The following STOX2 variants were observed in gnomAD, a reference collection of about 807,000 sequenced individuals.
STOX2 encodes storkhead box 2.
A neutral mutation model predicts 60.9 loss-of-function variants in STOX2; 28 were observed. That is an observed-to-expected ratio of 0.46 (90% CI 0.34 to 0.63). STOX2 has a LOEUF of 0.63. STOX2 is among the 30% of genes least tolerant of loss of function. The pLI, the probability that STOX2 is intolerant of heterozygous loss-of-function variation, is 0.01. For synonymous variants in STOX2, 472 were observed against 463.9 expected (o/e 1.02, Z -0.22); for missense variants, 1,024 against 1,187.7 (o/e 0.86, Z 2.03).
chr4:183,991,136 C>T (rs1051756641), intron 1 of STOX2, among the ~76,000 whole-genome samples: 4 of 152,144 alleles, frequency 2.6e-5, no homozygotes, highest in African/African-American at 4.8e-5. Flanking sequence ...TCTCTATCCA[C>T]ACTATTTCCC....
In STOX2 at chr4:183,867,235, C is replaced by T. The variant is rs564330754; in HGVS notation, c.364+69180C>T. Among the ~76,000 whole-genome samples the T allele has an allele frequency of 2.0e-5, 3 of 152,296 alleles. No individual in the cohort carries two copies. The East Asian group carries it at 5.8e-4, about 29-fold the overall frequency. ...AGTTTTTCTCTACATCTCCATTTGC[C>T]GCTGTCACTTGAGGAAATTTTACTA... On this transcript the variant is annotated intron_variant, in intron 1 of 2. Coordinates refer to the STOX2 transcript ENST00000513034.
chr4:183,902,902 C>T (rs1741493267), upstream of STOX2, among the ~76,000 whole-genome samples: 1 of 152,194 alleles, frequency 6.6e-6, no homozygotes, highest in South Asian at 2.1e-4. Flanking sequence ...GATCATGTCA[C>T]CCCTCTGCAA....
intron 1 of STOX2, among the ~76,000 whole-genome samples, chr4:183,819,229 C>T (rs1455787320): frequency 2.6e-5 from 4 of 152,204 alleles, no homozygotes; most frequent in African/African-American, 9.6e-5. Flanking sequence ...GCCGAGATCA[C>T]GCCGCTGCAC....
intron 1 of STOX2, among the ~76,000 whole-genome samples, chr4:183,978,700 G>C (rs987142519): frequency 2.6e-5 from 4 of 152,214 alleles, no homozygotes; most frequent in African/African-American, 9.6e-5. Flanking sequence ...GAAGAAGCCA[G>C]TCTCAAAAAG....
At chr4:183,835,042 G>C (rs1739669329) in intron 1 of STOX2, among the ~76,000 whole-genome samples, 1 of 152,022 alleles carries the variant, frequency 6.6e-6, no homozygotes, top group African/African-American at 2.4e-5. Flanking sequence ...AGGAAACATA[G>C]TGTCTTGAAG....
At position 183,980,698 on chromosome 4, in the gene STOX2, A is replaced by G. The variant is rs541589570; in HGVS notation, c.167-20627A>G. Among the ~76,000 whole-genome samples, 50 of 101,976 alleles carry G rather than the reference A, an allele frequency of 4.9e-4. 1 individual carries two copies. The highest frequency in any genetic ancestry group is 2.3e-3 in the Admixed American group (24 of 10,548). 66.9% of individuals were successfully genotyped at this position (101,976 alleles called of 152,430 possible). ...CGAATTTTTTTTCCTTCTTATTCAT[A>G]GTTTTTTTTTTTTAGAAGTATGGTG... On this transcript the variant is annotated intron_variant, in intron 1 of 3. Transcript: ENST00000308497.
intron 1 of STOX2, among the ~76,000 whole-genome samples, chr4:183,841,974 G>A (rs1026272260): frequency 5.9e-5 from 9 of 152,220 alleles, no homozygotes; most frequent in African/African-American, 2.2e-4. Context: ...CTGTGTCCTT[G>A]CCAGTGTGTG....
At chr4:183,828,363 G>A (rs1404167589) in intron 1 of STOX2, among the ~76,000 whole-genome samples, 1 of 152,188 alleles carries the variant, frequency 6.6e-6, no homozygotes, top group Non-Finnish European at 1.5e-5. Context: ...ACAGCCCCAG[G>A]AAAAGAGGAT....
At chr4:183,991,040 C>T (rs1393864632) in intron 1 of STOX2, among the ~76,000 whole-genome samples, 4 of 152,110 alleles carry the variant, frequency 2.6e-5, no homozygotes. Context: ...TTATTTAAGT[C>T]CTGAGTTTCC....
At chr4:183,891,356 A>ATT (rs1195130948) in intron 1 of STOX2, among the ~76,000 whole-genome samples, 1 of 82,556 alleles carries the variant, frequency 1.2e-5, no homozygotes, top group East Asian at 3.3e-4. Context: ...ATATGATGGA[A>ATT]TTTATATATA....
In STOX2 at chr4:184,011,235, AG is replaced by A. The variant is rs1212985216; in HGVS notation, c.2399del (p.Gly800AlafsTer86). Reference protein sequence around the residue: ...TEEEKNREDVGTMQWLLEREK... With the variant: ...TEEEKNREDVXTMQWLLEREK... ...AGGAGGAGAAAAATAGAGAGGACGT[AG>A]GCACCATGCAGTGGCTCCTCGAGCG... On this transcript the variant is annotated frameshift_variant, in exon 3 of 4. Coordinates refer to ENST00000308497, the MANE Select transcript of STOX2 (RefSeq NM_020225.3). LOFTEE classifies it high-confidence loss of function. The surrounding 1 kb of genome is among the most constrained non-coding windows in gnomAD (Gnocchi z 4.4). 6.2e-7 allele frequency: 1 copy of A among 1,612,870 alleles called. No homozygotes were observed. Among genetic ancestry groups the A allele is most frequent in the Admixed American group, 1.7e-5 (1 of 59,830 alleles).
At chr4:183,833,703 C>T (rs1301048259) in intron 1 of STOX2, among the ~76,000 whole-genome samples, 1 of 147,144 alleles carries the variant, frequency 6.8e-6, no homozygotes, top group Non-Finnish European at 1.5e-5. Flanking sequence ...GTGAGAAGGG[C>T]CGGGCGCGGT....
At chr4:183,957,888 C>A (rs1419689798) in intron 1 of STOX2, among the ~76,000 whole-genome samples, 1 of 151,108 alleles carries the variant, frequency 6.6e-6, no homozygotes, top group African/African-American at 2.4e-5. Flanking sequence ...TATTTAGAAC[C>A]CAAGAGAGTG....
At chr4:183,798,387 C>G (rs2111087537) in intron 1 of STOX2, among the ~76,000 whole-genome samples, 1 of 151,116 alleles carries the variant, frequency 6.6e-6, no homozygotes, top group Non-Finnish European at 1.5e-5. Context: ...GCTCGGGGCG[C>G]GTGAGTGTCC....
intron 1 of STOX2, among the ~76,000 whole-genome samples, chr4:183,914,089 C>T (rs10866265): frequency 0.86 from 130,282 of 152,152 alleles, 55,915 homozygotes; most frequent in Middle Eastern, 0.89. Context: ...TGTACCTGAG[C>T]GGTACTCACA....
Position 183,823,069 on chromosome 4 carries a change from C to T in STOX2, c.364+25014C>T, listed in dbSNP as rs1006579695. ...GTTTTTCTTTCAATATAAATGTAAC[C>T]GCAATGATCTAGCGATGATTCTCTC... is the stretch of plus-strand genomic sequence containing the variant. On this transcript the variant is annotated intron_variant, in intron 1 of 2. Transcript: ENST00000513034. Among the ~76,000 whole-genome samples, 32 of 152,168 alleles carry T rather than the reference C, an allele frequency of 2.1e-4. 1 individual carries two copies. The highest frequency in any genetic ancestry group is 1.5e-3 in the Admixed American group (23 of 15,274).
intron 1 of STOX2, among the ~76,000 whole-genome samples, chr4:183,886,830 C>T (rs1472775127): frequency 6.6e-6 from 1 of 152,202 alleles, no homozygotes; most frequent in Non-Finnish European, 1.5e-5. Flanking sequence ...CATCTTTTTT[C>T]TCATCCTCCC....
At chr4:183,840,684 A>G (rs184043516) in intron 1 of STOX2, among the ~76,000 whole-genome samples, 3 of 152,342 alleles carry the variant, frequency 2.0e-5, no homozygotes, top group Non-Finnish European at 4.4e-5. Context: ...GGAAATTCTC[A>G]TAATTCTCAT....
intron 2 of STOX2, among the ~76,000 whole-genome samples, chr4:184,008,580 C>G (rs1358124194): frequency 6.6e-6 from 1 of 152,200 alleles, no homozygotes; most frequent in Non-Finnish European, 1.5e-5. Context: ...AAGGCAATGA[C>G]TCCAAAATTA....
Sources: gnomAD v4.1 joint callset for allele counts (sites outside exome capture counted in the v4.1 genomes callset) on GRCh38, gnomAD v4.1.1 for gene constraint, Gnocchi (gnomAD v3.1) non-coding constraint, MANE v1.5 for transcripts, NCBI Gene and HGNC (gene_info 2026-07-23, HGNC 2026-07-21) for gene names.